The following PLEKHG6 variants were observed in gnomAD, a reference collection of about 807,000 sequenced individuals.
PLEKHG6 encodes pleckstrin homology and RhoGEF domain containing G6.
In PLEKHG6, 91 loss-of-function variants were observed where a neutral mutation model predicts 97.5. The observed-to-expected ratio is 0.93, with a 90% CI of 0.79 to 1.11. The LOEUF (loss-of-function observed/expected upper bound fraction) is 1.11, where lower values mean the gene tolerates loss of function less well. PLEKHG6 is among the 50% of genes most tolerant of loss of function. PLEKHG6 has a pLI of 0.00. For synonymous variants in PLEKHG6, 466 were observed against 425.5 expected (o/e 1.10, Z -1.17); for missense variants, 1,044 against 1,031.0 (o/e 1.01, Z -0.17).
chr12:6,328,109 G>A (rs766979125), intron 15 of PLEKHG6, 27 bp from the exon 16 acceptor site: 9 of 1,613,744 alleles, frequency 5.6e-6, no homozygotes, highest in East Asian at 4.5e-5. Flanking sequence ...ACTGAATGTC[G>A]CCTAACACCC....
chr12:6,327,876 C>T lies in PLEKHG6; in HGVS notation c.2293C>T (p.Leu765=). The part of the protein sequence containing the change: ...EEPRDSRPRK[L]TRAQLQRMRG... The stretch of plus-strand genomic sequence containing the variant: ...GCCCCGGGACAGCAGGCCACGGAAG[C>T]TGACTCGGGCCCAGCTGCAGAGGAT... The change falls in exon 15 of 16, where the codon CTG becomes TTG. Residue 765 remains leucine, a synonymous_variant. Transcript: ENST00000684764. 1 of 1,496,348 alleles carries T rather than the reference C, an allele frequency of 6.7e-7. No individual in the cohort carries two copies. 92.7% of individuals were successfully genotyped at this position (1,496,348 alleles called of 1,614,324 possible). A position where few individuals can be genotyped will look rare whatever the true frequency, so the allele number is the denominator to read the frequency against.
At chr12:6,314,622 T>C (rs1176562154) in intron 3 of PLEKHG6, among the ~76,000 whole-genome samples, 1 of 152,210 alleles carries the variant, frequency 6.6e-6, no homozygotes. Context: ...CTAAGTCTTG[T>C]TCTGATTCAC....
Position 6,328,172 on chromosome 12 carries a change from T to A in PLEKHG6, c.*27T>A. 6.2e-7 allele frequency: 1 copy of A among 1,611,660 alleles called. No homozygotes were observed. ...GAATGCAGAGGACCTTTGGCATGCA[T>A]CTCTCCCAGAGGAGATCTCTCCCCA... On this transcript the variant is annotated 3_prime_UTR_variant, in exon 16 of 16. Coordinates refer to ENST00000684764, the MANE Select transcript of PLEKHG6 (RefSeq NM_001384598.1).
rs1377089097 is a variant in PLEKHG6 at position 6,316,345 on chromosome 12, G to A, written c.697G>A (p.Glu233Lys). 1.3e-6 allele frequency: 2 copies of A among 1,564,380 alleles called. No homozygotes were observed. Among genetic ancestry groups the A allele is most frequent in the South Asian group, 1.2e-5 (1 of 84,922 alleles). ...TGAGGTGCTGGGGCCCACCCTGGAG[G>A]AGACTCGGGCCTCGGGCCAGCCTCT... ...WDEVLGPTLE[E>K]TRASGQPLDP... The change falls in exon 7 of 16, where the codon GAG becomes AAG. Residue 233 changes from glutamate (E) to lysine (K), a missense_variant. By Grantham distance (56) the Glu-to-Lys change is moderately conservative (BLOSUM62 1). Coordinates refer to ENST00000684764, the MANE Select transcript of PLEKHG6 (RefSeq NM_001384598.1). This position sits in a 1 kb window ranked among gnomAD's most constrained non-coding sequence, Gnocchi z 4.1.
Position 6,327,795 on chromosome 12 carries a change from A to G in PLEKHG6, c.2212A>G (p.Met738Val), listed in dbSNP as rs774475773. 10 of 1,517,054 alleles carry G rather than the reference A, an allele frequency of 6.6e-6. No individual in the cohort carries two copies. In the East Asian group the frequency reaches 1.4e-4, roughly 21 times the overall value. 94.0% of individuals were successfully genotyped at this position (1,517,054 alleles called of 1,614,324 possible). Residue 738 changes from methionine (M) to valine (V), a missense_variant, in exon 15 of 16, where the codon ATG becomes GTG. Met to Val is a conservative substitution (Grantham distance 21, BLOSUM62 1). Coordinates refer to ENST00000684764, the MANE Select transcript of PLEKHG6 (RefSeq NM_001384598.1). ...TSLRPMRAED[M>V]LREIREELAS... ...CCTGCGCCCAATGCGGGCTGAGGAC[A>G]TGCTCAGAGAGATCCGGGAGGAGCT...
intron 11 of PLEKHG6, 118 bp downstream of exon 11, chr12:6,318,538 C>G: frequency 7.4e-7 from 1 of 1,344,896 alleles, no homozygotes; most frequent in Non-Finnish European, 1.0e-6. Context: ...CTGGCTAAGC[C>G]CCAGTCATTT....
chr12:6,312,511 G>A, intron 2 of PLEKHG6, 147 bp downstream of exon 2: 2 of 1,117,844 alleles, frequency 1.8e-6, no homozygotes, highest in Non-Finnish European at 2.4e-6. Flanking sequence ...CGGGAAAGAG[G>A]AGGGCAGTGA....
In PLEKHG6 at chr12:6,317,935, G is replaced by T. The variant is rs766464638; in HGVS notation, c.1096G>T (p.Ala366Ser). Residue 366 changes from alanine to serine, a missense_variant, in exon 10 of 16, where the codon GCA (alanine) becomes TCA (serine). Ala to Ser is a moderately conservative substitution (Grantham distance 99, BLOSUM62 1). Transcript: ENST00000684764. Reference protein sequence around the residue: ...QGEEQESLAAAAQRIGPYEVL... With the variant: ...QGEEQESLAASAQRIGPYEVL... The stretch of plus-strand genomic sequence containing the variant: ...CGAAGAGCAAGAGAGCTTGGCGGCT[G>T]CAGCACAACGCATCGGGCCCTACGA... 8 of 1,574,940 alleles carry T rather than the reference G, an allele frequency of 5.1e-6. No individual in the cohort carries two copies. The highest frequency in any genetic ancestry group is 1.7e-4 in the Middle Eastern group (1 of 6,036).
At chr12:6,320,528 A>G (rs1446112957) in intron 13 of PLEKHG6, among the ~76,000 whole-genome samples, 2 of 151,938 alleles carry the variant, frequency 1.3e-5, no homozygotes, top group East Asian at 1.9e-4. Flanking sequence ...CTGTCTTCCC[A>G]TGGCCTTCCT....
In PLEKHG6 at chr12:6,318,289, T is replaced by C. The variant is rs1421258576; in HGVS notation, c.1156-12T>C. 4.3e-6 allele frequency: 7 copies of C among 1,613,876 alleles called. No homozygotes were observed. The highest frequency in any genetic ancestry group is 5.9e-6 in the Non-Finnish European group (7 of 1,179,952). On this transcript the variant is annotated splice_polypyrimidine_tract_variant and intron_variant, in intron 10 of 15. Transcript: ENST00000684764. ...GCCGAGCGCCCTGACCCCTCCCCTCTGTGTCCCTCAGAACCTGCGCCCATT... is the reference window on the plus strand; with the variant it reads ...GCCGAGCGCCCTGACCCCTCCCCTCCGTGTCCCTCAGAACCTGCGCCCATT...
chr12:6,311,618 G>T (rs979112380), intron 1 of PLEKHG6, among the ~76,000 whole-genome samples: 20 of 152,284 alleles, frequency 1.3e-4, no homozygotes, highest in Admixed American at 1.3e-3. Flanking sequence ...CCAAAATATT[G>T]GTGGCTTTTT....
rs201062579 is a variant in PLEKHG6 at position 6,317,363 on chromosome 12, T to C, written c.817T>C (p.Tyr273His). The part of the protein sequence containing the change: ...YCLRVKQTMA[Y>H]AREQQETNPL... The stretch of plus-strand genomic sequence containing the variant: ...CCTCCGAGTGAAGCAGACCATGGCT[T>C]ACGCCCGAGAACAGCAAGAAACTAA... Residue 273 changes from tyrosine to histidine, a missense_variant, in exon 8 of 16, where the codon TAC becomes CAC. By Grantham distance (83) the Tyr-to-His change is moderately conservative. Transcript: ENST00000684764. 1.2e-6 allele frequency: 2 copies of C among 1,614,050 alleles called. No individual in the cohort carries two copies. The highest frequency in any genetic ancestry group is 1.7e-5 in the Admixed American group (1 of 60,016).
chr12:6,316,331 G>A lies in PLEKHG6; in HGVS notation c.683G>A (p.Gly228Glu). Reference sequence around the variant, plus strand: ...CGGAGCTTTTGGGATGAGGTGCTGGGGCCCACCCTGGAGGAGACTCGGGCC... The same window carrying A: ...CGGAGCTTTTGGGATGAGGTGCTGGAGCCCACCCTGGAGGAGACTCGGGCC... ...THRSFWDEVL[G>E]PTLEETRASG... The change falls in exon 7 of 16, where the codon GGG (glycine) becomes GAG (glutamate). Residue 228 changes from glycine to glutamate, a missense_variant. By Grantham distance (98) the Gly-to-Glu change is moderately conservative. Coordinates refer to ENST00000684764, the MANE Select transcript of PLEKHG6 (RefSeq NM_001384598.1). This position sits in a 1 kb window ranked among gnomAD's most constrained non-coding sequence, Gnocchi z 4.1. 2 of 1,561,158 alleles carry A rather than the reference G, an allele frequency of 1.3e-6. No individual in the cohort carries two copies. Among genetic ancestry groups the A allele is most frequent in the Non-Finnish European group, 1.7e-6 (2 of 1,151,938 alleles).
chr12:6,312,970 A>T, intron 2 of PLEKHG6: 1 of 1,431,336 alleles, frequency 7.0e-7, no homozygotes, highest in Non-Finnish European at 9.2e-7. Context: ...ATGCACGATA[A>T]TTTTGCCTTT....
chr12:6,313,296 C>A, intron 2 of PLEKHG6: 1 of 1,085,208 alleles, frequency 9.2e-7, no homozygotes, highest in Non-Finnish European at 1.4e-6. Flanking sequence ...CCCCATGGTA[C>A]GGAGAGCAGG....
chr12:6,324,272 G>A (rs12812106), intron 13 of PLEKHG6, among the ~76,000 whole-genome samples: 73,230 of 124,958 alleles, frequency 0.59, 19,561 homozygotes, highest in African/African-American at 0.68. Flanking sequence ...CCCCGTACTC[G>A]GGGCTCCCCC....
intron 3 of PLEKHG6, among the ~76,000 whole-genome samples, chr12:6,314,639 G>A (rs1041605510): frequency 2.0e-5 from 3 of 152,172 alleles, no homozygotes; most frequent in Admixed American, 2.0e-4. Context: ...TCACTTGAAG[G>A]TCCCTCTGAA....
intron 8 of PLEKHG6, 51 bp from the exon 9 acceptor site, chr12:6,317,496 T>C (rs1434567446): frequency 6.2e-7 from 1 of 1,612,330 alleles, no homozygotes; most frequent in Non-Finnish European, 8.5e-7. Context: ...AGTTCACCAC[T>C]AGGCAGGGCA....
chr12:6,317,660 C>G lies in PLEKHG6; in HGVS notation c.981C>G (p.Ser327Arg). 6.2e-7 allele frequency: 1 copy of G among 1,613,908 alleles called. No homozygotes were observed. The change falls in exon 9 of 16, where the codon AGC becomes AGG. Residue 327 changes from serine to arginine, a missense_variant. Coordinates refer to ENST00000684764, the MANE Select transcript of PLEKHG6 (RefSeq NM_001384598.1). Reference sequence around the variant, plus strand: ...TGCTCCATGCTGTGCTCAAGAGGAGCCCCGAGGCACGAGCCCAAGAGGCCC... The same window carrying G: ...TGCTCCATGCTGTGCTCAAGAGGAGGCCCGAGGCACGAGCCCAAGAGGCCC... The part of the protein sequence containing the change: ...PLLLHAVLKR[S>R]PEARAQEALN...
Sources: allele counts gnomAD v4.1 joint callset (sites outside exome capture counted in the v4.1 genomes callset), GRCh38; gene constraint gnomAD v4.1.1; non-coding constraint Gnocchi (gnomAD v3.1); transcripts MANE v1.5; gene names NCBI Gene and HGNC (gene_info 2026-07-23, HGNC 2026-07-21).